The following PEAK1 variants were observed in gnomAD, a reference collection of about 807,000 sequenced individuals.
PEAK1 encodes the protein pseudopodium enriched atypical kinase 1, also known as inactive tyrosine-protein kinase PEAK1.
Under a neutral mutation model 124.7 loss-of-function variants are expected in PEAK1, and 54 were observed. That is an observed-to-expected ratio of 0.43 (90% CI 0.35 to 0.54). The LOEUF (loss-of-function observed/expected upper bound fraction) is 0.54, where lower values mean the gene tolerates loss of function less well. Ranked by LOEUF, PEAK1 falls within the 20% of genes least tolerant of loss-of-function variation. The pLI is 0.01. For synonymous variants in PEAK1, 719 were observed against 760.0 expected, an observed-to-expected ratio of 0.95 and a Z score of 0.89; for missense variants, 2,046 against 2,134.5, an observed-to-expected ratio of 0.96 and a Z score of 0.82.
At chr15:77,402,730 A>G (rs1341637194) in intron 1 of PEAK1, 3 of 985,258 alleles carry the variant, frequency 3.0e-6, no homozygotes, top group East Asian at 2.3e-4. Context: ...GTTCTCATTT[A>G]TTCCCAGGAA....
intron 1 of PEAK1, among the ~76,000 whole-genome samples, chr15:77,383,018 C>T (rs545009153): frequency 6.9e-5 from 10 of 145,796 alleles, no homozygotes; most frequent in African/African-American, 2.6e-4. Flanking sequence ...GTTTGTATCT[C>T]CTTTTTTTTT....
intron 2 of PEAK1, among the ~76,000 whole-genome samples, chr15:77,328,976 G>A (rs948257695): frequency 6.6e-6 from 1 of 152,000 alleles, no homozygotes; most frequent in African/African-American, 2.4e-5. Context: ...AGATACAGAA[G>A]GTATAGAAAG....
At chr15:77,405,047 G>C (rs2142046224) in intron 1 of PEAK1, among the ~76,000 whole-genome samples, 1 of 150,078 alleles carries the variant, frequency 6.7e-6, no homozygotes, top group East Asian at 2.0e-4. Context: ...TGCTCTGTCA[G>C]CAGGCTGGAG....
chr15:77,400,666 G>C (rs979349401), intron 1 of PEAK1, among the ~76,000 whole-genome samples: 1 of 152,014 alleles, frequency 6.6e-6, no homozygotes, highest in Non-Finnish European at 1.5e-5. Flanking sequence ...ATAAGTTGAG[G>C]AACATCTATA....
chr15:77,308,858 G>A (rs2064260277), intron 2 of PEAK1, among the ~76,000 whole-genome samples: 1 of 151,902 alleles, frequency 6.6e-6, no homozygotes, highest in South Asian at 2.1e-4. Flanking sequence ...GAGATGCTGT[G>A]GATACTAAAA....
chr15:77,308,089 C>T lies in PEAK1; in HGVS notation c.-602-21585G>A, dbSNP rs142827155. Among the ~76,000 whole-genome samples, 114 of 152,102 alleles carry T rather than the reference C, an allele frequency of 7.5e-4. 1 individual carries two copies. In the East Asian group the frequency reaches 0.012, roughly 16 times the overall value. ...AAGGTTAAAAATTTAAGAATTAACA[C>T]GGCACAATTGAGCTTTTCAGGTATA... On this transcript the variant is annotated intron_variant, in intron 2 of 9. Coordinates refer to ENST00000682557, the MANE Select transcript of PEAK1 (RefSeq NM_001385026.1).
chr15:77,261,446 A>T (rs370310388), intron 5 of PEAK1, among the ~76,000 whole-genome samples: 3 of 152,212 alleles, frequency 2.0e-5, no homozygotes, highest in East Asian at 3.8e-4. Flanking sequence ...TGGAGCTGAA[A>T]ACCACGGCAC....
chr15:77,313,644 A>ATG (rs1166778709), intron 2 of PEAK1, among the ~76,000 whole-genome samples: 230 of 75,336 alleles, frequency 3.1e-3, no homozygotes, highest in South Asian at 8.3e-3. Context: ...GTATGTATGT[A>ATG]TGTATGTATG....
intron 8 of PEAK1, among the ~76,000 whole-genome samples, chr15:77,142,162 G>T (rs760714492): frequency 3.6e-4 from 55 of 152,262 alleles, no homozygotes; most frequent in Admixed American, 1.5e-3. Flanking sequence ...GTAAAAATGG[G>T]TAAAAGATTT....
intron 2 of PEAK1, among the ~76,000 whole-genome samples, chr15:77,317,109 A>G (rs1567250025): frequency 6.6e-6 from 1 of 152,088 alleles, no homozygotes; most frequent in Admixed American, 6.6e-5. Context: ...GATGCAAAAC[A>G]ATACGCACAG....
intron 8 of PEAK1, among the ~76,000 whole-genome samples, chr15:77,137,487 C>A (rs904114634): frequency 2.0e-5 from 3 of 152,196 alleles, no homozygotes. Flanking sequence ...TCATCATGAC[C>A]CGGATGCAAG....
At chr15:77,261,961 T>G (rs1186345308) in intron 5 of PEAK1, among the ~76,000 whole-genome samples, 4 of 152,070 alleles carry the variant, frequency 2.6e-5, no homozygotes, top group Non-Finnish European at 1.5e-5. Flanking sequence ...TATTCAACAT[T>G]CTTAAAGAAA....
intron 6 of PEAK1, among the ~76,000 whole-genome samples, chr15:77,223,091 T>C (rs1275784732): frequency 6.6e-6 from 1 of 152,042 alleles, no homozygotes; most frequent in Non-Finnish European, 1.5e-5. Context: ...ATTAAGTCAC[T>C]AGTGACTAAA....
intron 2 of PEAK1, among the ~76,000 whole-genome samples, chr15:77,301,388 A>C (rs913502923): frequency 2.0e-5 from 3 of 152,196 alleles, no homozygotes; most frequent in Non-Finnish European, 4.4e-5. Flanking sequence ...CTTAATGTAA[A>C]GACATCTGCA....
chr15:77,296,681 T>C (rs1301435167), intron 2 of PEAK1, among the ~76,000 whole-genome samples: 2 of 151,256 alleles, frequency 1.3e-5, no homozygotes, highest in Non-Finnish European at 2.9e-5. Flanking sequence ...GGTATCTAAA[T>C]CTGAAAATTG....
intron 6 of PEAK1, among the ~76,000 whole-genome samples, chr15:77,239,529 G>A (rs1335115788): frequency 6.6e-6 from 1 of 152,208 alleles, no homozygotes; most frequent in East Asian, 1.9e-4. Context: ...TATAAGAAGA[G>A]AGACTAGTAT....
At chr15:77,206,546 G>C (rs927086524) in intron 6 of PEAK1, among the ~76,000 whole-genome samples, 1 of 151,772 alleles carries the variant, frequency 6.6e-6, no homozygotes, top group African/African-American at 2.4e-5. Flanking sequence ...GTATCTCATA[G>C]TGGTTTTGAT....
intron 6 of PEAK1, among the ~76,000 whole-genome samples, chr15:77,245,773 A>G (rs796586563): frequency 2.5e-4 from 38 of 152,296 alleles, no homozygotes; most frequent in African/African-American, 8.7e-4. Flanking sequence ...TTAAAAATCA[A>G]TTGAACATAT....
intron 5 of PEAK1, among the ~76,000 whole-genome samples, chr15:77,269,161 C>CAT (rs2061895009): frequency 1.3e-5 from 2 of 151,590 alleles, no homozygotes; most frequent in Admixed American, 1.3e-4. Flanking sequence ...AATAGTACCT[C>CAT]ATATCTCAAT....
Sources: allele counts gnomAD v4.1 joint callset (sites outside exome capture counted in the v4.1 genomes callset), GRCh38; gene constraint gnomAD v4.1.1; transcripts MANE v1.5; gene names NCBI Gene and HGNC (gene_info 2026-07-23, HGNC 2026-07-21).